The following TACC2 variants were observed in gnomAD, a reference collection of about 807,000 sequenced individuals.
TACC2 encodes the protein transforming acidic coiled-coil containing protein 2, also known as transforming acidic coiled-coil-containing protein 2.
TACC2 carries 137 observed loss-of-function variants against 227.3 expected under a neutral mutation model. The ratio of observed to expected loss-of-function variants is 0.60; its 90% confidence interval spans 0.52 to 0.69. The LOEUF (loss-of-function observed/expected upper bound fraction) is 0.69, where lower values mean the gene tolerates loss of function less well. Ranked by LOEUF, TACC2 falls within the 30% of genes least tolerant of loss-of-function variation. The pLI, the probability that TACC2 is intolerant of heterozygous loss-of-function variation, is 0.00. For missense variants in TACC2, 3,470 were observed against 3,694.4 expected (o/e 0.94, Z 1.57); for synonymous variants, 1,523 against 1,487.5 (o/e 1.02, Z -0.55).
At chr10:121,992,042 C>T (rs965621318) in intron 1 of TACC2, among the ~76,000 whole-genome samples, 2 of 152,184 alleles carry the variant, frequency 1.3e-5, no homozygotes, top group Non-Finnish European at 2.9e-5. Flanking sequence ...ATTCAATTAC[C>T]TCCCACCAGG....
chr10:122,171,268 T>C (rs1258399080), intron 7 of TACC2, among the ~76,000 whole-genome samples: 1 of 150,150 alleles, frequency 6.7e-6, no homozygotes, highest in Non-Finnish European at 1.5e-5. Context: ...TCTCCTTAAA[T>C]GGAAGTGGAT....
chr10:122,130,710 G>T (rs1262434614), intron 5 of TACC2, among the ~76,000 whole-genome samples: 1 of 152,206 alleles, frequency 6.6e-6, no homozygotes, highest in East Asian at 1.9e-4. Flanking sequence ...TCGACAAGCT[G>T]CTCAGCCTCT....
At chr10:122,088,788 T>G (rs10082410) in intron 5 of TACC2, 197 bp downstream of exon 5, 42,897 of 1,504,004 alleles carry the variant, frequency 0.029, 721 homozygotes, top group Middle Eastern at 0.052. Context: ...GAAAAGGGAT[T>G]GAATGAGTTG....
At chr10:122,206,239 C>T (rs2095102486) in intron 8 of TACC2, among the ~76,000 whole-genome samples, 1 of 152,202 alleles carries the variant, frequency 6.6e-6, no homozygotes, top group Non-Finnish European at 1.5e-5. Context: ...CCTGTCCTGG[C>T]TTTGTCTCTT....
chr10:122,218,732 G>C (rs2095462583), intron 11 of TACC2, among the ~76,000 whole-genome samples: 1 of 152,092 alleles, frequency 6.6e-6, no homozygotes, highest in African/African-American at 2.4e-5. Context: ...TGACCATCTT[G>C]GCCAGGCACA....
Position 122,195,115 on chromosome 10 carries a change from A to G in TACC2, c.5910A>G (p.Pro1970=), listed in dbSNP as rs779223549. 2.1e-6 allele frequency: 2 copies of G among 952,488 alleles called. No homozygotes were observed. The highest frequency in any genetic ancestry group is 1.5e-5 in the South Asian group (1 of 67,342). The allele number at this position is 952,488 out of a possible 1,614,324, so 59.0% of individuals were successfully genotyped here. ...TPVKAPPAPP[P]PPPEVIPEPE... is the part of the protein sequence containing the mutation. Reference sequence around the variant, plus strand: ...TCAAAGCTCCGCCAGCTCCACCCCCACCACCCCCCGAAGTCATCCCAGAAC... The same window carrying G: ...TCAAAGCTCCGCCAGCTCCACCCCCGCCACCCCCCGAAGTCATCCCAGAAC... Residue 1970 remains proline (P), a synonymous_variant, in exon 8 of 23, where the codon CCA becomes CCG. Coordinates refer to ENST00000369005, the MANE Select transcript of TACC2 (RefSeq NM_206862.4).
At chr10:122,047,678 C>T (rs1002690525) in intron 2 of TACC2, among the ~76,000 whole-genome samples, 9 of 152,210 alleles carry the variant, frequency 5.9e-5, no homozygotes, top group African/African-American at 2.2e-4. Context: ...GTTACTAAAC[C>T]TCTCAGAGCC....
chr10:121,991,414 G>A (rs781489709), intron 1 of TACC2, among the ~76,000 whole-genome samples: 40 of 152,162 alleles, frequency 2.6e-4, no homozygotes, highest in African/African-American at 6.0e-4. Context: ...TTGTGTTTAC[G>A]TGTATTTCAA....
At chr10:122,133,028 G>C (rs763854721) in intron 6 of TACC2, among the ~76,000 whole-genome samples, 1 of 152,062 alleles carries the variant, frequency 6.6e-6, no homozygotes, top group African/African-American at 2.4e-5. Flanking sequence ...TGGCCTTCAG[G>C]GGTCCCTATT....
At chr10:122,236,038 C>T (rs938285304) in intron 16 of TACC2, among the ~76,000 whole-genome samples, 5 of 152,306 alleles carry the variant, frequency 3.3e-5, no homozygotes, top group South Asian at 2.1e-4. Flanking sequence ...GCTAACTAAC[C>T]GGTCCTAACT....
At chr10:122,027,480 T>C (rs1958186026) in intron 2 of TACC2, among the ~76,000 whole-genome samples, 1 of 152,176 alleles carries the variant, frequency 6.6e-6, no homozygotes, top group Non-Finnish European at 1.5e-5. Context: ...TCTAACAACA[T>C]TTGTTAGAGT....
Position 122,084,540 on chromosome 10 carries a change from C to T in TACC2, c.2040C>T (p.Pro680=), listed in dbSNP as rs746855730. The T allele has an allele frequency of 6.2e-7, 1 of 1,613,668 alleles. No individual in the cohort carries two copies. The highest frequency in any genetic ancestry group is 1.1e-5 in the South Asian group (1 of 91,084). Reference sequence around the variant, plus strand: ...CTGTGCCAGATGGAGCTGGTGAGCCCACTGTTCCCGAAGGAGCCATCTGGG... The same window carrying T: ...CTGTGCCAGATGGAGCTGGTGAGCCTACTGTTCCCGAAGGAGCCATCTGGG... ...LPPVPDGAGE[P]TVPEGAIWEG... The change falls in exon 4 of 23, where the codon CCC becomes CCT. Residue 680 remains proline (P), a synonymous_variant. Coordinates refer to ENST00000369005, the MANE Select transcript of TACC2 (RefSeq NM_206862.4).
At chr10:122,173,776 C>T (rs1460594289) in intron 7 of TACC2, among the ~76,000 whole-genome samples, 1 of 152,234 alleles carries the variant, frequency 6.6e-6, no homozygotes, top group Non-Finnish European at 1.5e-5. Context: ...CATGTCCTTC[C>T]TGCCCAGCCT....
At chr10:122,195,015 C>A in intron 7 of TACC2, 25 bp from the exon 8 acceptor site, 1 of 1,593,328 alleles carries the variant, frequency 6.3e-7, no homozygotes, top group Non-Finnish European at 8.6e-7. Context: ...CCCTGTCTAA[C>A]CTGTGCTTCT....
At chr10:122,014,454 A>C (rs1275620077) in intron 1 of TACC2, among the ~76,000 whole-genome samples, 1 of 151,938 alleles carries the variant, frequency 6.6e-6, no homozygotes, top group Non-Finnish European at 1.5e-5. Context: ...CAGGCGATCC[A>C]CCTGCCTCAG....
At chr10:122,072,039 C>T (rs1245556212) in intron 3 of TACC2, among the ~76,000 whole-genome samples, 1 of 137,090 alleles carries the variant, frequency 7.3e-6, no homozygotes, top group Non-Finnish European at 1.5e-5. Context: ...AGTGCAGTGG[C>T]GCGATCTCAG....
At chr10:122,026,652 C>A (rs1175796263) in intron 2 of TACC2, among the ~76,000 whole-genome samples, 4 of 150,948 alleles carry the variant, frequency 2.6e-5, no homozygotes, top group African/African-American at 9.9e-5. Context: ...CCTCTCAATC[C>A]CTGGCAACCA....
At chr10:122,181,905 G>A (rs2093982983) in intron 7 of TACC2, among the ~76,000 whole-genome samples, 1 of 152,156 alleles carries the variant, frequency 6.6e-6, no homozygotes, top group African/African-American at 2.4e-5. Flanking sequence ...AAAGAGGTTA[G>A]AAGAAAGGAA....
At chr10:122,176,103 C>CTATA (rs2093690391) in intron 7 of TACC2, among the ~76,000 whole-genome samples, 1 of 77,870 alleles carries the variant, frequency 1.3e-5, no homozygotes, top group Admixed American at 1.3e-4. Flanking sequence ...CTCTCTCTCT[C>CTATA]TCTCTCTCTC....
Sources: allele counts gnomAD v4.1 joint callset (sites outside exome capture counted in the v4.1 genomes callset), GRCh38; gene constraint gnomAD v4.1.1; transcripts MANE v1.5; gene names NCBI Gene and HGNC (gene_info 2026-07-23, HGNC 2026-07-21).